The following HIVEP3 variants were observed in gnomAD, a reference collection of about 807,000 sequenced individuals.
HIVEP3 encodes the protein HIVEP zinc finger 3.
HIVEP3 carries 49 observed loss-of-function variants against 152.8 expected under a neutral mutation model. The observed-to-expected ratio is 0.32, with a 90% CI of 0.26 to 0.41. The LOEUF (loss-of-function observed/expected upper bound fraction) is 0.41, where lower values mean the gene tolerates loss of function less well. HIVEP3 is among the 10% of genes least tolerant of loss of function. The probability of loss-of-function intolerance (pLI) is 1.00; values close to 1 mark genes in which losing one functional copy is unlikely to be tolerated. For missense variants in HIVEP3, 2,790 were observed against 3,103.3 expected (o/e 0.90, Z 2.40); for synonymous variants, 1,269 against 1,289.0 (o/e 0.98, Z 0.33).
At chr1:41,869,386 C>T (rs1485004324) in intron 1 of HIVEP3, among the ~76,000 whole-genome samples, 1 of 152,126 alleles carries the variant, frequency 6.6e-6, no homozygotes, top group African/African-American at 2.4e-5. Context: ...AAACGGAAAC[C>T]CCACTCAGTG....
intron 1 of HIVEP3, among the ~76,000 whole-genome samples, chr1:41,896,644 G>A (rs1450848254): frequency 2.7e-5 from 4 of 150,680 alleles, no homozygotes; most frequent in Non-Finnish European, 3.0e-5. Flanking sequence ...GTGCGATCTC[G>A]GGTCACCGCA....
In HIVEP3 at chr1:41,582,970, T is replaced by G. The variant is rs746194498; in HGVS notation, c.1828A>C (p.Ser610Arg). The stretch of plus-strand genomic sequence containing the variant: ...GAGGGCTTGGAGGCTGTGTCTTTGC[T>G]GCTTGGGCCAGGCTCCTCAGAACTG... Reference protein sequence around the residue: ...EYSSEEPGPSSKDTASKPSDE... With the variant: ...EYSSEEPGPSRKDTASKPSDE... The change falls in exon 4 of 9, where the codon AGC (serine) becomes CGC (arginine). Residue 610 changes from serine to arginine, a missense_variant. Coordinates refer to ENST00000372583, the MANE Select transcript of HIVEP3 (RefSeq NM_024503.5). This position sits in a 1 kb window ranked among gnomAD's most constrained non-coding sequence, Gnocchi z 4.7. The G allele has an allele frequency of 1.2e-6, 2 of 1,614,116 alleles. No individual in the cohort carries two copies. Among genetic ancestry groups the G allele is most frequent in the South Asian group, 1.1e-5 (1 of 91,068 alleles).
chr1:41,626,203 G>A (rs557255717), intron 3 of HIVEP3, among the ~76,000 whole-genome samples: 13 of 151,660 alleles, frequency 8.6e-5, no homozygotes, highest in East Asian at 3.9e-4. Flanking sequence ...GCACCGGGGC[G>A]TTTGCAGCAC....
chr1:41,777,832 C>A (rs1648804699), intron 1 of HIVEP3, among the ~76,000 whole-genome samples: 1 of 152,206 alleles, frequency 6.6e-6, no homozygotes, highest in African/African-American at 2.4e-5. Context: ...CAGCTCCTTG[C>A]CCTCTGGGAA....
intron 5 of HIVEP3, among the ~76,000 whole-genome samples, chr1:41,562,601 T>TTCTCTCTCTCTCTCTCTCTCTCTCTC (rs72509109): frequency 8.7e-5 from 11 of 126,244 alleles, no homozygotes; most frequent in South Asian, 5.7e-4. Flanking sequence ...CTTCCTTTCT[T>TTCTCTCTCTCTCTCTCTCTCTCTCTC]TCTCTCTCTC....
chr1:41,879,553 T>G (rs929480051), intron 1 of HIVEP3, among the ~76,000 whole-genome samples: 1 of 152,230 alleles, frequency 6.6e-6, no homozygotes, highest in Non-Finnish European at 1.5e-5. Context: ...CTTCACAGCA[T>G]GCTTTAAATT....
chr1:41,614,469 C>A (rs1407015211), intron 3 of HIVEP3, among the ~76,000 whole-genome samples: 1 of 152,230 alleles, frequency 6.6e-6, no homozygotes, highest in Non-Finnish European at 1.5e-5. Context: ...CTCCTTTCTG[C>A]AGGGCTTCAG....
chr1:41,568,677 G>A (rs899095280), intron 5 of HIVEP3, among the ~76,000 whole-genome samples: 11 of 152,270 alleles, frequency 7.2e-5, no homozygotes, highest in African/African-American at 2.4e-4. Flanking sequence ...TCAGGGCCAA[G>A]CTGCCAGGAT....
rs1645008071 is a variant in HIVEP3 at position 41,933,996 on chromosome 1, G to C, written n.120-15472C>G. Among the ~76,000 whole-genome samples, 3 of 152,038 alleles carry C rather than the reference G, an allele frequency of 2.0e-5. No individual in the cohort carries two copies. In the South Asian group the frequency reaches 6.2e-4, roughly 31 times the overall value. Reference sequence around the variant, plus strand: ...TAATGGGATTTCACCAGTATCCAAAGAGTGATAATGTTTGCTCCCTTCTAC... The same window carrying C: ...TAATGGGATTTCACCAGTATCCAAACAGTGATAATGTTTGCTCCCTTCTAC... On this transcript the variant is annotated intron_variant and non_coding_transcript_variant, in intron 1 of 3. Transcript: ENST00000489103.
chr1:41,992,644 A>G (rs1344977440), intron 1 of HIVEP3, among the ~76,000 whole-genome samples: 3 of 132,054 alleles, frequency 2.3e-5, no homozygotes, highest in African/African-American at 8.8e-5. Context: ...ATTGGAAAAA[A>G]CTACTTTAAA....
At chr1:41,519,754 C>G (rs1014652057) in intron 6 of HIVEP3, among the ~76,000 whole-genome samples, 4 of 152,006 alleles carry the variant, frequency 2.6e-5, no homozygotes, top group Non-Finnish European at 5.9e-5. Flanking sequence ...GAATGAAGAA[C>G]AGGAAGAGGA....
At chr1:41,727,019 G>A (rs141168693) in intron 1 of HIVEP3, among the ~76,000 whole-genome samples, 5 of 152,302 alleles carry the variant, frequency 3.3e-5, no homozygotes, top group East Asian at 1.9e-4. Context: ...GTCTCAGCGC[G>A]GGAGGCACAG....
intron 2 of HIVEP3, among the ~76,000 whole-genome samples, chr1:41,691,939 G>T (rs1360811386): frequency 6.6e-6 from 1 of 151,546 alleles, no homozygotes; most frequent in African/African-American, 2.4e-5. Flanking sequence ...CCGCCTCCCG[G>T]GTTCAAGTGA....
intron 3 of HIVEP3, among the ~76,000 whole-genome samples, chr1:41,589,046 A>C (rs1052517851): frequency 2.0e-5 from 3 of 152,246 alleles, no homozygotes; most frequent in African/African-American, 7.2e-5. Context: ...ACCAACAGAC[A>C]CTAAGAAAAT....
chr1:41,697,803 T>C (rs1238969559), intron 2 of HIVEP3, among the ~76,000 whole-genome samples: 2 of 152,226 alleles, frequency 1.3e-5, no homozygotes, highest in Non-Finnish European at 2.9e-5. Flanking sequence ...TGCATTCTTA[T>C]TGGTGAACAC....
intron 1 of HIVEP3, among the ~76,000 whole-genome samples, chr1:41,731,688 T>G (rs1181931574): frequency 6.6e-6 from 1 of 152,126 alleles, no homozygotes. Context: ...ACAATCAGCT[T>G]TGACATGCCA....
At chr1:41,816,456 G>A (rs1651271191) in intron 1 of HIVEP3, among the ~76,000 whole-genome samples, 1 of 152,186 alleles carries the variant, frequency 6.6e-6, no homozygotes, top group African/African-American at 2.4e-5. Flanking sequence ...GGAGGTCGAG[G>A]TGGGTAGATT....
intron 3 of HIVEP3, among the ~76,000 whole-genome samples, chr1:41,599,917 G>A (rs1289886604): frequency 6.6e-6 from 1 of 152,142 alleles, no homozygotes; most frequent in East Asian, 1.9e-4. Context: ...GACTTGAAGA[G>A]ACGTTTCTCC....
At chr1:41,969,530 C>G (rs1341347486) in intron 1 of HIVEP3, among the ~76,000 whole-genome samples, 1 of 152,074 alleles carries the variant, frequency 6.6e-6, no homozygotes, top group African/African-American at 2.4e-5. Flanking sequence ...ACTGGACCCA[C>G]TCCTTATACC....
Sources: allele counts gnomAD v4.1 joint callset (sites outside exome capture counted in the v4.1 genomes callset), GRCh38; gene constraint gnomAD v4.1.1; non-coding constraint Gnocchi (gnomAD v3.1); transcripts MANE v1.5; gene names NCBI Gene and HGNC (gene_info 2026-07-23, HGNC 2026-07-21).